Variants in ARHGAP24 observed in about 807,000 individuals in gnomAD.
The protein encoded by ARHGAP24 is rho GTPase-activating protein 24.
A neutral mutation model predicts 76.4 loss-of-function variants in ARHGAP24; 50 were observed. That is an observed-to-expected ratio of 0.65 (90% CI 0.52 to 0.83). The LOEUF is 0.83. Ranked by LOEUF, ARHGAP24 falls within the 40% of genes least tolerant of loss-of-function variation. ARHGAP24 has a pLI of 0.00. For missense variants in ARHGAP24, 930 were observed against 914.2 expected (o/e 1.02, Z -0.22); for synonymous variants, 345 against 323.3 (o/e 1.07, Z -0.72).
chr4:85,850,949 T>C (rs1578297804), intron 3 of ARHGAP24, among the ~76,000 whole-genome samples: 1 of 152,174 alleles, frequency 6.6e-6, no homozygotes, highest in Non-Finnish European at 1.5e-5. Flanking sequence ...GAGAGTTCTG[T>C]AGATGTCTAT....
At chr4:85,795,003 G>C (rs1468646780) in intron 3 of ARHGAP24, among the ~76,000 whole-genome samples, 1 of 152,082 alleles carries the variant, frequency 6.6e-6, no homozygotes, top group African/African-American at 2.4e-5. Context: ...TAATGACTGG[G>C]GAAAAGGAAT....
At chr4:85,853,503 A>G (rs903756295) in intron 3 of ARHGAP24, among the ~76,000 whole-genome samples, 1 of 152,102 alleles carries the variant, frequency 6.6e-6, no homozygotes, top group African/African-American at 2.4e-5. Context: ...ACCAGTCCCA[A>G]TGAGATGAAC....
intron 2 of ARHGAP24, among the ~76,000 whole-genome samples, chr4:85,612,103 CA>C (rs1720405348): frequency 2.0e-5 from 3 of 151,382 alleles, no homozygotes; most frequent in Non-Finnish European, 4.4e-5. Flanking sequence ...CACACACACA[CA>C]CACACACACA....
rs116152004 is a variant in ARHGAP24 at position 85,650,015 on chromosome 4, C to A, written c.181-71870C>A. On this transcript the variant is annotated intron_variant, in intron 2 of 9. Coordinates refer to ENST00000395184, the MANE Select transcript of ARHGAP24 (RefSeq NM_001025616.3). Reference sequence around the variant, plus strand: ...GGACAAAAGCCTAGACTTTCTGCATCCAAATCCTGAATTCTTTGCACTACA... The same window carrying A: ...GGACAAAAGCCTAGACTTTCTGCATACAAATCCTGAATTCTTTGCACTACA... Among the ~76,000 whole-genome samples, 663 of 152,166 alleles carry A rather than the reference C, an allele frequency of 4.4e-3. 2 individuals are homozygous for A. The highest frequency in any genetic ancestry group is 0.015 in the African/African-American group (618 of 41,536).
intron 7 of ARHGAP24, among the ~76,000 whole-genome samples, chr4:85,976,885 C>T (rs1201890778): frequency 1.1e-4 from 17 of 150,860 alleles, no homozygotes; most frequent in African/African-American, 3.9e-4. Flanking sequence ...CGAGTTCAAG[C>T]GATTCTCCTG....
At chr4:85,495,100 A>G (rs1295498381) in intron 1 of ARHGAP24, among the ~76,000 whole-genome samples, 1 of 151,322 alleles carries the variant, frequency 6.6e-6, no homozygotes, top group East Asian at 2.0e-4. Context: ...GTCTCAAAAA[A>G]AAAAAAAAAA....
chr4:85,665,332 G>T (rs1342105165), intron 2 of ARHGAP24, among the ~76,000 whole-genome samples: 1 of 151,960 alleles, frequency 6.6e-6, no homozygotes, highest in African/African-American at 2.4e-5. Context: ...GACTAGGATT[G>T]CAACCCCTGC....
At chr4:85,916,244 A>AC (rs34710562) in intron 3 of ARHGAP24, among the ~76,000 whole-genome samples, 46,538 of 151,918 alleles carry the variant, frequency 0.31, 7,366 homozygotes, top group South Asian at 0.5. Context: ...CGTGTCCTTC[A>AC]CCACTTTTTG....
chr4:85,800,492 G>A (rs1364928190), intron 3 of ARHGAP24, among the ~76,000 whole-genome samples: 1 of 151,474 alleles, frequency 6.6e-6, no homozygotes, highest in Non-Finnish European at 1.5e-5. Context: ...TAGGAATTAA[G>A]AAGAAGAACA....
At chr4:85,865,825 G>T (rs1328745559) in intron 3 of ARHGAP24, among the ~76,000 whole-genome samples, 1 of 151,770 alleles carries the variant, frequency 6.6e-6, no homozygotes, top group Non-Finnish European at 1.5e-5. Context: ...TTTTTTTAAA[G>T]TTAGCTGAAT....
chr4:85,511,896 C>G (rs984331969), intron 1 of ARHGAP24, among the ~76,000 whole-genome samples: 9 of 152,344 alleles, frequency 5.9e-5, no homozygotes, highest in African/African-American at 2.2e-4. Context: ...TGCTGGAAAT[C>G]CTTGGCTTGC....
chr4:85,834,757 A>G (rs757849253), intron 3 of ARHGAP24, among the ~76,000 whole-genome samples: 1 of 152,194 alleles, frequency 6.6e-6, no homozygotes, highest in Admixed American at 6.5e-5. Flanking sequence ...TGCTTTTACT[A>G]TTTGGGAAGG....
At chr4:85,765,792 T>C (rs957724427) in intron 3 of ARHGAP24, among the ~76,000 whole-genome samples, 2 of 152,164 alleles carry the variant, frequency 1.3e-5, no homozygotes, top group Non-Finnish European at 2.9e-5. Context: ...AAAGTACATT[T>C]ATAAAAATCA....
chr4:85,548,206 C>A (rs1725993507), intron 1 of ARHGAP24, among the ~76,000 whole-genome samples: 1 of 152,108 alleles, frequency 6.6e-6, no homozygotes, highest in Non-Finnish European at 1.5e-5. Context: ...TTATTCTAGG[C>A]TCATTTTGTA....
At chr4:85,818,207 G>A (rs1330698048) in intron 3 of ARHGAP24, among the ~76,000 whole-genome samples, 1 of 152,166 alleles carries the variant, frequency 6.6e-6, no homozygotes, top group Non-Finnish European at 1.5e-5. Context: ...ACCCCCAGGT[G>A]AGTTCACACT....
chr4:85,611,711 G>C (rs1720387960), intron 2 of ARHGAP24, among the ~76,000 whole-genome samples: 1 of 152,122 alleles, frequency 6.6e-6, no homozygotes, highest in African/African-American at 2.4e-5. Flanking sequence ...AGAAAATGTG[G>C]AGAAAGACTG....
chr4:85,835,600 G>T (rs1407103254), intron 3 of ARHGAP24, among the ~76,000 whole-genome samples: 1 of 151,808 alleles, frequency 6.6e-6, no homozygotes, highest in East Asian at 1.9e-4. Context: ...TAGAAAAATG[G>T]TTCTAAAAAG....
At chr4:85,530,127 C>G (rs552558710) in intron 1 of ARHGAP24, among the ~76,000 whole-genome samples, 39 of 151,772 alleles carry the variant, frequency 2.6e-4, no homozygotes, top group Non-Finnish European at 5.2e-4. Context: ...AAATTGAAGT[C>G]CCATATACTC....
intron 2 of ARHGAP24, among the ~76,000 whole-genome samples, chr4:85,595,282 G>C (rs948651446): frequency 2.6e-4 from 40 of 152,080 alleles, no homozygotes; most frequent in Admixed American, 1.1e-3. Flanking sequence ...TCGGAAATGA[G>C]TATCTCTTGG....
Sources: allele counts gnomAD v4.1 joint callset (sites outside exome capture counted in the v4.1 genomes callset), GRCh38; gene constraint gnomAD v4.1.1; transcripts MANE v1.5; gene names NCBI Gene and HGNC (gene_info 2026-07-23, HGNC 2026-07-21).